STIP1: variants seen among roughly 807,000 people sequenced by gnomAD.
STIP1 encodes the protein stress induced phosphoprotein 1.
Under a neutral mutation model 77.4 loss-of-function variants are expected in STIP1, and 16 were observed. The ratio of observed to expected loss-of-function variants is 0.21; its 90% confidence interval spans 0.14 to 0.31. The LOEUF is 0.31. STIP1 is among the 10% of genes least tolerant of loss of function. The probability of loss-of-function intolerance (pLI) is 1.00; values close to 1 mark genes in which losing one functional copy is unlikely to be tolerated. For synonymous variants in STIP1, 258 were observed against 246.6 expected, an observed-to-expected ratio of 1.05 and a Z score of -0.44; for missense variants, 524 against 684.8, an observed-to-expected ratio of 0.77 and a Z score of 2.62.
chr11:64,198,753 GTTTTT>G (rs371481270), intron 8 of STIP1, among the ~76,000 whole-genome samples: 1 of 111,060 alleles, frequency 9.0e-6, no homozygotes, highest in Non-Finnish European at 1.8e-5. Context: ...TTTTTTTGTG[GTTTTT>G]TTTTTTTTTT....
At chr11:64,197,032 C>T in intron 5 of STIP1, 1 of 517,058 alleles carries the variant, frequency 1.9e-6, no homozygotes, top group Non-Finnish European at 3.4e-6. Context: ...TGCTTCCTGA[C>T]AAAGATCTAG....
At chr11:64,191,154 T>C (rs1946088221) in intron 1 of STIP1, among the ~76,000 whole-genome samples, 1 of 140,586 alleles carries the variant, frequency 7.1e-6, no homozygotes, top group Non-Finnish European at 1.5e-5. Context: ...GCTATTGCAC[T>C]CCAGCCTGGG....
chr11:64,199,304 A>G (rs1227778404), intron 8 of STIP1, among the ~76,000 whole-genome samples: 1 of 151,538 alleles, frequency 6.6e-6, no homozygotes, highest in Non-Finnish European at 1.5e-5. Context: ...GGAGATCGAG[A>G]CCATCCTGGC....
At chr11:64,199,881 C>G in intron 8 of STIP1, 59 bp from the exon 9 acceptor site, 1 of 1,597,312 alleles carries the variant, frequency 6.3e-7, no homozygotes, top group South Asian at 1.1e-5. Context: ...GATTTTTAAG[C>G]CCAATATTTA....
chr11:64,203,355 C>T (rs942849962), intron 12 of STIP1, 95 bp from the exon 13 acceptor site: 1 of 1,585,368 alleles, frequency 6.3e-7, no homozygotes, highest in Non-Finnish European at 8.6e-7. Flanking sequence ...CTTGTTCTCT[C>T]TCCCCTTGTC....
chr11:64,192,076 G>C (rs1320590222), intron 1 of STIP1, among the ~76,000 whole-genome samples: 1 of 152,138 alleles, frequency 6.6e-6, no homozygotes, highest in Non-Finnish European at 1.5e-5. Context: ...ACTTTGGGAG[G>C]CCAAGGCGTG....
chr11:64,187,308 C>G (rs144047281), intron 1 of STIP1, among the ~76,000 whole-genome samples: 1 of 152,280 alleles, frequency 6.6e-6, no homozygotes, highest in Non-Finnish European at 1.5e-5. Flanking sequence ...CCTCTACCAA[C>G]CTCCGAGAAA....
Position 64,197,605 on chromosome 11 carries a change from A to G in STIP1, c.902+10A>G, listed in dbSNP as rs750442669. 11 of 1,613,848 alleles carry G rather than the reference A, an allele frequency of 6.8e-6. No individual in the cohort carries two copies. Among genetic ancestry groups the G allele is most frequent in the African/African-American group, 1.3e-5 (1 of 74,920 alleles). ...ATCGACAGATTGCCAAGTAGGCTCA[A>G]CCTTCCAGAATACCTTGAGTAGCGC... On this transcript the variant is annotated intron_variant, in intron 7 of 13. Coordinates refer to ENST00000305218, the MANE Select transcript of STIP1 (RefSeq NM_006819.3).
intron 8 of STIP1, among the ~76,000 whole-genome samples, chr11:64,199,505 T>TAAAA (rs1946190545): frequency 8.5e-6 from 1 of 118,200 alleles, no homozygotes; most frequent in Non-Finnish European, 1.8e-5. Flanking sequence ...AGACTCTATC[T>TAAAA]CAAAAAAAAA....
At chr11:64,195,017 C>T (rs1306859892) in intron 4 of STIP1, among the ~76,000 whole-genome samples, 1 of 152,200 alleles carries the variant, frequency 6.6e-6, no homozygotes, top group African/African-American at 2.4e-5. Flanking sequence ...CTCCTGAGAT[C>T]AGCTACGGAA....
intron 5 of STIP1, 162 bp downstream of exon 5, chr11:64,195,975 C>G (rs1050494708): frequency 1.1e-6 from 1 of 921,980 alleles, no homozygotes; most frequent in East Asian, 2.6e-5. Context: ...CTTCTGGCCT[C>G]AAGCGATGCT....
chr11:64,196,413 AAG>A (rs1946151003), intron 5 of STIP1, among the ~76,000 whole-genome samples: 1 of 151,364 alleles, frequency 6.6e-6, no homozygotes, highest in Admixed American at 6.6e-5. Flanking sequence ...AAAAAAAAAA[AAG>A]CTTCACAAGA....
At chr11:64,195,414 CTAT>C (rs1425855719) in intron 4 of STIP1, among the ~76,000 whole-genome samples, 1 of 152,158 alleles carries the variant, frequency 6.6e-6, no homozygotes, top group Non-Finnish European at 1.5e-5. Context: ...CCGTGCTCCG[CTAT>C]CTGTGACTTC....
At position 64,186,255 on chromosome 11, in the gene STIP1, C is replaced by G; in HGVS notation, c.-7C>G. On this transcript the variant is annotated 5_prime_UTR_variant, in exon 1 of 14. Transcript: ENST00000305218. ...CGATTCAACGGGGTTCCGGACCGCG[C>G]TGCGCTATGGAGCAGGTGAAGGGGG... The G allele has an allele frequency of 6.8e-7, 1 of 1,462,582 alleles. No homozygotes were observed. The highest frequency in any genetic ancestry group is 9.2e-7 in the Non-Finnish European group (1 of 1,091,870). 90.6% of individuals were successfully genotyped at this position (1,462,582 alleles called of 1,614,324 possible). A position where few individuals can be genotyped will look rare whatever the true frequency, so the allele number is the denominator to read the frequency against.
chr11:64,185,670 A>C (rs1039414864), upstream of STIP1: 22 of 1,049,900 alleles, frequency 2.1e-5, no homozygotes, highest in African/African-American at 2.3e-4. Flanking sequence ...CGCCGGCGAC[A>C]CAGCTACAGA....
At chr11:64,194,937 CAG>C (rs1178399999) in intron 4 of STIP1, among the ~76,000 whole-genome samples, 1 of 152,130 alleles carries the variant, frequency 6.6e-6, no homozygotes, top group South Asian at 2.1e-4. Context: ...AGAGTGGAAA[CAG>C]GGTTGAAGTT....
At chr11:64,196,575 A>C (rs888349643) in intron 5 of STIP1, among the ~76,000 whole-genome samples, 2 of 152,070 alleles carry the variant, frequency 1.3e-5, no homozygotes, top group Non-Finnish European at 2.9e-5. Flanking sequence ...CGTGATCCGA[A>C]GAATGTTGTC....
chr11:64,199,043 C>T (rs1480985957), intron 8 of STIP1, among the ~76,000 whole-genome samples: 4 of 149,118 alleles, frequency 2.7e-5, no homozygotes, highest in South Asian at 4.2e-4. Context: ...ACTAAAAATA[C>T]GAAAAAATTA....
At chr11:64,197,810 T>C in intron 7 of STIP1, 44 bp from the exon 8 acceptor site, 2 of 1,595,608 alleles carry the variant, frequency 1.3e-6, no homozygotes, top group African/African-American at 1.4e-5. Context: ...GAGCTGACTT[T>C]ATCTCTCTGT....
Sources: gnomAD v4.1 joint callset for allele counts (sites outside exome capture counted in the v4.1 genomes callset) on GRCh38, gnomAD v4.1.1 for gene constraint, MANE v1.5 for transcripts, NCBI Gene and HGNC (gene_info 2026-07-23, HGNC 2026-07-21) for gene names.